PID1: variants seen among roughly 807,000 people sequenced by gnomAD.
The protein encoded by PID1 is phosphotyrosine interaction domain containing 1.
A neutral mutation model predicts 19.1 loss-of-function variants in PID1; 10 were observed. The observed-to-expected ratio is 0.52, with a 90% confidence interval of 0.32 to 0.89. The LOEUF is 0.89. PID1 is among the 40% of genes least tolerant of loss of function. PID1 has a pLI of 0.03. For synonymous variants in PID1, 130 were observed against 116.0 expected, an observed-to-expected ratio of 1.12 and a Z score of -0.78; for missense variants, 248 against 285.3, an observed-to-expected ratio of 0.87 and a Z score of 0.94.
At chr2:229,253,772 A>G (rs1690216342) in intron 1 of PID1, among the ~76,000 whole-genome samples, 2 of 152,020 alleles carry the variant, frequency 1.3e-5, no homozygotes, top group Non-Finnish European at 2.9e-5. Flanking sequence ...CCCACATATC[A>G]CCTTTTGTGA....
rs537691539 is a variant in PID1, at chr2:229,077,747, C to T, written c.178-51639G>A. ...CTGTTCTGTTCCATTGGTCTATATA[C>T]CCGTTTTGGTACCAGTACCATGCCA... is the stretch of plus-strand genomic sequence containing the variant. On this transcript the variant is annotated intron_variant, in intron 2 of 2. Coordinates refer to ENST00000392055, the MANE Select transcript of PID1 (RefSeq NM_001100818.2). Among the ~76,000 whole-genome samples, 6 of 152,158 alleles carry T rather than the reference C, an allele frequency of 3.9e-5. No individual in the cohort carries two copies. In the South Asian group the frequency reaches 1.2e-3, roughly 32 times the overall value.
At position 229,068,173 on chromosome 2, in the gene PID1, C is replaced by G. The variant is rs535289004; in HGVS notation, c.178-42065G>C. ...CTCCATGTAATGCACAATTGTAGAA[C>G]CAAACTACCCATTGCCCTGGCATTG... On this transcript the variant is annotated intron_variant, in intron 2 of 2. Transcript: ENST00000392055. Among the ~76,000 whole-genome samples the G allele has an allele frequency of 2.0e-4, 31 of 152,280 alleles. No homozygotes were observed. The South Asian group carries it at 2.5e-3, about 12-fold the overall frequency.
rs558110509 is a variant in PID1 at position 229,191,803 on chromosome 2, A to T, written c.31-35839T>A. ...ACTAAAGAGCAGGCTCATGAGAGAT[A>T]GTGAGGAATATTGTGTATCACAAAC... On this transcript the variant is annotated intron_variant, in intron 1 of 2. Coordinates refer to ENST00000392055, the MANE Select transcript of PID1 (RefSeq NM_001100818.2). 2.5e-4 allele frequency among the ~76,000 whole-genome samples: 38 copies of T among 152,368 alleles called. 1 individual carries two copies. Among genetic ancestry groups the T allele is most frequent in the Admixed American group, 6.5e-5 (1 of 15,310 alleles).
chr2:229,124,325 C>A (rs1695580566), intron 2 of PID1, among the ~76,000 whole-genome samples: 1 of 152,106 alleles, frequency 6.6e-6, no homozygotes, highest in African/African-American at 2.4e-5. Context: ...TGGGATAACT[C>A]CATTTTATTG....
At chr2:229,029,870 T>G (rs952452998) in intron 2 of PID1, among the ~76,000 whole-genome samples, 1 of 150,278 alleles carries the variant, frequency 6.7e-6, no homozygotes, top group Non-Finnish European at 1.5e-5. Context: ...AAAAGTAGAA[T>G]TACTATATGA....
At chr2:229,183,784 ACTGTAGAT>A (rs1045963773) in intron 1 of PID1, among the ~76,000 whole-genome samples, 2 of 151,440 alleles carry the variant, frequency 1.3e-5, no homozygotes, top group Admixed American at 6.6e-5. Flanking sequence ...CAGCTTGCCA[ACTGTAGAT>A]CTCTAATATC....
chr2:229,202,663 C>T (rs1372757644), intron 1 of PID1, among the ~76,000 whole-genome samples: 2 of 152,016 alleles, frequency 1.3e-5, no homozygotes, highest in Non-Finnish European at 2.9e-5. Context: ...TTCCTGTCAC[C>T]TGGTCATCAA....
intron 1 of PID1, among the ~76,000 whole-genome samples, chr2:229,160,671 T>C (rs376126853): frequency 2.0e-5 from 3 of 152,152 alleles, no homozygotes; most frequent in South Asian, 4.1e-4. Context: ...AGAAGTTCTA[T>C]AGCAAAGCTA....
intron 1 of PID1, among the ~76,000 whole-genome samples, chr2:229,264,093 T>C (rs1690531348): frequency 6.6e-6 from 1 of 152,216 alleles, no homozygotes; most frequent in South Asian, 2.1e-4. Flanking sequence ...ATGTTGCTTC[T>C]GGGACCCTGA....
At chr2:229,191,344 G>T (rs1691256726) in intron 1 of PID1, among the ~76,000 whole-genome samples, 1 of 152,158 alleles carries the variant, frequency 6.6e-6, no homozygotes, top group African/African-American at 2.4e-5. Flanking sequence ...CAGTGCTCTG[G>T]AAAGAGGGAG....
rs12620676 is a variant in PID1, at chr2:229,037,162, A to C, written c.178-11054T>G. Among the ~76,000 whole-genome samples the C allele has an allele frequency of 2.1e-3, 324 of 152,328 alleles. 5 individuals are homozygous for C. Among genetic ancestry groups the C allele is most frequent in the East Asian group, 0.017 (88 of 5,180 alleles). ...TAAAAATATTGAGAAAATTTAAAAA[A>C]TGCTTAGCACTTTTCCCTAAGTATT... On this transcript the variant is annotated intron_variant, in intron 2 of 2. Coordinates refer to ENST00000392055, the MANE Select transcript of PID1 (RefSeq NM_001100818.2).
chr2:229,247,104 C>T (rs1690024282), intron 1 of PID1, among the ~76,000 whole-genome samples: 1 of 152,152 alleles, frequency 6.6e-6, no homozygotes, highest in Non-Finnish European at 1.5e-5. Context: ...GAATACAAAG[C>T]TCCATAGAGG....
At chr2:229,034,690 G>A (rs566125896) in intron 2 of PID1, among the ~76,000 whole-genome samples, 63 of 152,038 alleles carry the variant, frequency 4.1e-4, no homozygotes, top group African/African-American at 1.5e-3. Flanking sequence ...GGTAATCTGG[G>A]AACTATTTTC....
intron 2 of PID1, among the ~76,000 whole-genome samples, chr2:229,129,413 C>CAAA (rs370442954): frequency 0.081 from 8,993 of 110,890 alleles, 488 homozygotes; most frequent in East Asian, 0.25. Flanking sequence ...GACTCCATCT[C>CAAA]AAAAAAAAAA....
intron 1 of PID1, among the ~76,000 whole-genome samples, chr2:229,179,182 A>G (rs1040914877): frequency 5.9e-5 from 9 of 151,978 alleles, no homozygotes; most frequent in African/African-American, 2.2e-4. Context: ...GCCCCTCCCC[A>G]TTCATACAGA....
At chr2:229,054,203 C>T (rs1000117280) in intron 2 of PID1, among the ~76,000 whole-genome samples, 20 of 152,166 alleles carry the variant, frequency 1.3e-4, no homozygotes, top group African/African-American at 4.6e-4. Context: ...ACAACTGATA[C>T]ACCCATCAGG....
At chr2:229,045,533 G>C (rs1327175375) in intron 2 of PID1, among the ~76,000 whole-genome samples, 1 of 152,148 alleles carries the variant, frequency 6.6e-6, no homozygotes, top group Non-Finnish European at 1.5e-5. Context: ...CAAGGTTTCT[G>C]GGCTTTCAGG....
chr2:229,169,403 T>G (rs1171256218), intron 1 of PID1, among the ~76,000 whole-genome samples: 1 of 152,162 alleles, frequency 6.6e-6, no homozygotes, highest in Non-Finnish European at 1.5e-5. Flanking sequence ...CTTTTTTAAG[T>G]TTTTAAACAG....
intron 2 of PID1, among the ~76,000 whole-genome samples, chr2:229,068,455 G>C (rs893881538): frequency 1.3e-5 from 2 of 152,022 alleles, no homozygotes; most frequent in Non-Finnish European, 2.9e-5. Context: ...AAAAAAAAAA[G>C]GATTTCCTCT....
Sources: allele counts gnomAD v4.1 joint callset (sites outside exome capture counted in the v4.1 genomes callset), GRCh38; gene constraint gnomAD v4.1.1; transcripts MANE v1.5; gene names NCBI Gene and HGNC (gene_info 2026-07-23, HGNC 2026-07-21).